JARID2: variants seen among roughly 807,000 people sequenced by gnomAD.
JARID2 encodes the protein jumonji and AT-rich interaction domain containing 2.
Under a neutral mutation model 125.6 loss-of-function variants are expected in JARID2, and 21 were observed. The observed-to-expected ratio is 0.17, with a 90% CI of 0.12 to 0.24. The LOEUF is 0.24. Ranked by LOEUF, JARID2 falls within the 10% of genes least tolerant of loss-of-function variation. The pLI is 1.00. For synonymous variants in JARID2, 736 were observed against 661.6 expected, an observed-to-expected ratio of 1.11 and a Z score of -1.73; for missense variants, 1,303 against 1,639.6, an observed-to-expected ratio of 0.79 and a Z score of 3.55.
At chr6:15,396,270 C>G (rs1407034257) in intron 2 of JARID2, among the ~76,000 whole-genome samples, 1 of 152,170 alleles carries the variant, frequency 6.6e-6, no homozygotes, top group Non-Finnish European at 1.5e-5. Context: ...GTAGGTAGCC[C>G]TGTATGTTTA....
chr6:15,383,337 A>G (rs564856595), intron 2 of JARID2, among the ~76,000 whole-genome samples: 1 of 149,480 alleles, frequency 6.7e-6, no homozygotes, highest in East Asian at 2.0e-4. Context: ...AGCTCTTTCT[A>G]TAAGGGTCTC....
chr6:15,360,448 C>T (rs1230978826), intron 1 of JARID2, among the ~76,000 whole-genome samples: 1 of 151,990 alleles, frequency 6.6e-6, no homozygotes, highest in Non-Finnish European at 1.5e-5. Flanking sequence ...CTCCGAAAGT[C>T]CTGGGATTAC....
chr6:15,360,790 C>T (rs151235449), intron 1 of JARID2, among the ~76,000 whole-genome samples: 1 of 152,154 alleles, frequency 6.6e-6, no homozygotes, highest in Admixed American at 6.5e-5. Context: ...CAGACATGAG[C>T]CACTGCGCCC....
chr6:15,322,163 A>G (rs1017218025), intron 1 of JARID2, among the ~76,000 whole-genome samples: 14 of 152,230 alleles, frequency 9.2e-5, no homozygotes, highest in Admixed American at 2.6e-4. Context: ...GGTAGCATGA[A>G]AAACACATAA....
chr6:15,408,191 G>A (rs930077658), intron 2 of JARID2, among the ~76,000 whole-genome samples: 3 of 152,132 alleles, frequency 2.0e-5, no homozygotes, highest in Admixed American at 2.0e-4. Flanking sequence ...GGTCAAGGCT[G>A]CAATAAGCTA....
intron 5 of JARID2, among the ~76,000 whole-genome samples, chr6:15,486,739 C>T (rs569542293): frequency 6.6e-6 from 1 of 151,968 alleles, no homozygotes; most frequent in Admixed American, 6.5e-5. Context: ...AGCAGCTGCG[C>T]CCCGAACTCA....
intron 17 of JARID2, among the ~76,000 whole-genome samples, chr6:15,518,645 G>A (rs568351277): frequency 2.6e-5 from 4 of 152,188 alleles, no homozygotes; most frequent in Non-Finnish European, 2.9e-5. Context: ...CTACGCACCC[G>A]GCTAATTTTT....
chr6:15,354,115 G>A (rs1199096660), intron 1 of JARID2, among the ~76,000 whole-genome samples: 7 of 152,196 alleles, frequency 4.6e-5, no homozygotes, highest in Non-Finnish European at 1.0e-4. Flanking sequence ...ATCATCAGAC[G>A]AGAAGAGTAT....
chr6:15,396,768 AC>A (rs1263553521), intron 2 of JARID2, among the ~76,000 whole-genome samples: 9 of 152,180 alleles, frequency 5.9e-5, no homozygotes, highest in Admixed American at 1.3e-4. Flanking sequence ...GCTGACTGAA[AC>A]CTTGGAAATC....
chr6:15,490,794 A>T (rs974822889), intron 6 of JARID2, among the ~76,000 whole-genome samples: 4 of 152,244 alleles, frequency 2.6e-5, no homozygotes, highest in Admixed American at 2.6e-4. Flanking sequence ...TATTTCTAGC[A>T]AGGGTTTTGA....
At chr6:15,483,602 A>G (rs1010362524) in intron 5 of JARID2, among the ~76,000 whole-genome samples, 1 of 152,190 alleles carries the variant, frequency 6.6e-6, no homozygotes, top group Admixed American at 6.5e-5. Flanking sequence ...TTTCCTTTTT[A>G]TGGCTAATAC....
intron 1 of JARID2, chr6:15,248,106 A>T: frequency 3.0e-6 from 3 of 985,024 alleles, no homozygotes; most frequent in Non-Finnish European, 3.6e-6. Context: ...CGTGTCTCCG[A>T]GTCCGGGCGT....
In JARID2 at chr6:15,285,106, G is replaced by GTTTTTTTTTTT. The variant is rs199945772; in HGVS notation, c.45+38533_45+38543dup. 1.4e-4 allele frequency among the ~76,000 whole-genome samples: 17 copies of GTTTTTTTTTTT among 119,456 alleles called. 1 individual carries two copies. Among genetic ancestry groups the GTTTTTTTTTTT allele is most frequent in the African/African-American group, 4.9e-4 (15 of 30,418 alleles). The allele number at this position is 119,456 out of a possible 152,430, so 78.4% of individuals were successfully genotyped here. On this transcript the variant is annotated intron_variant, in intron 1 of 17. Coordinates refer to ENST00000341776, the MANE Select transcript of JARID2 (RefSeq NM_004973.4). Reference sequence around the variant, plus strand: ...TTTGCATTAATGTGAGTCTTTCTGGGTTTTTTTTTTTTTTTTTTTTTGAAA... The same window carrying GTTTTTTTTTTT: ...TTTGCATTAATGTGAGTCTTTCTGGGTTTTTTTTTTTTTTTTTTTTTTTTTTTTTTTTGAAA...
Position 15,289,402 on chromosome 6 carries a change from CTATTA to C in JARID2, c.45+42824_45+42828del, listed in dbSNP as rs531548980. On this transcript the variant is annotated intron_variant, in intron 1 of 17. Transcript: ENST00000341776. ...CTTCTATTTTTTAAATCGTTTGTTA[CTATTA>C]TATTAAAATAGAGACAGGTCTTGCT... is the stretch of plus-strand genomic sequence containing the variant. Among the ~76,000 whole-genome samples the C allele has an allele frequency of 9.5e-3, 1,437 of 151,570 alleles. 11 individuals carry two copies. The highest frequency in any genetic ancestry group is 0.014 in the Non-Finnish European group (978 of 68,022).
intron 1 of JARID2, among the ~76,000 whole-genome samples, chr6:15,328,804 G>A (rs969303702): frequency 1.3e-5 from 2 of 152,138 alleles, no homozygotes; most frequent in African/African-American, 4.8e-5. Flanking sequence ...TGTTAATATG[G>A]CATGGGCTAT....
At chr6:15,311,198 C>T (rs1302164872) in intron 1 of JARID2, among the ~76,000 whole-genome samples, 2 of 152,110 alleles carry the variant, frequency 1.3e-5, no homozygotes, top group Non-Finnish European at 2.9e-5. Flanking sequence ...ATCCAGTAAC[C>T]CCTAGCAGTG....
intron 1 of JARID2, among the ~76,000 whole-genome samples, chr6:15,278,120 G>A (rs576168166): frequency 6.6e-6 from 1 of 152,028 alleles, no homozygotes; most frequent in Non-Finnish European, 1.5e-5. Context: ...GTAATCCCAG[G>A]CTGAAGCAGG....
intron 1 of JARID2, among the ~76,000 whole-genome samples, chr6:15,346,317 A>G (rs1763243329): frequency 6.6e-6 from 1 of 152,132 alleles, no homozygotes; most frequent in Non-Finnish European, 1.5e-5. Context: ...TCAGCATTTA[A>G]CTTTTTTCTT....
intron 1 of JARID2, among the ~76,000 whole-genome samples, chr6:15,357,737 T>A (rs1763654096): frequency 6.6e-6 from 1 of 152,168 alleles, no homozygotes; most frequent in African/African-American, 2.4e-5. Context: ...TTAAAGAAAC[T>A]CTTCTGTTTC....
Sources: gnomAD v4.1 joint callset for allele counts (sites outside exome capture counted in the v4.1 genomes callset) on GRCh38, gnomAD v4.1.1 for gene constraint, MANE v1.5 for transcripts, NCBI Gene and HGNC (gene_info 2026-07-23, HGNC 2026-07-21) for gene names.